AFF2: variants seen among roughly 807,000 people sequenced by gnomAD.
The protein encoded by AFF2 is ALF transcription elongation factor 2.
In AFF2, 14 loss-of-function variants were observed where a neutral mutation model predicts 76.9. That is an observed-to-expected ratio of 0.18 (90% confidence interval 0.12 to 0.28). AFF2 has a LOEUF of 0.28. AFF2 is among the 10% of genes least tolerant of loss of function. The pLI is 1.00. For missense variants in AFF2, 868 were observed against 1,001.1 expected, an observed-to-expected ratio of 0.87 and a Z score of 1.79; for synonymous variants, 398 against 366.7, an observed-to-expected ratio of 1.09 and a Z score of -0.98.
intron 1 of AFF2, among the ~76,000 whole-genome samples, chrX:148,606,876 C>G (rs1557248857): frequency 9.0e-6 from 1 of 111,110 alleles, no homozygotes; most frequent in African/African-American, 3.3e-5. Context: ...GAGTGTTTTC[C>G]TAATTCAGGC....
chrX:148,560,056 GT>G (rs2053093632), intron 1 of AFF2, among the ~76,000 whole-genome samples: 1 of 111,353 alleles, frequency 9.0e-6, no homozygotes, highest in South Asian at 3.8e-4. Context: ...TCATATGTTT[GT>G]TGGCTGCAAA....
chrX:148,701,012 A>AAATG (rs782232655), intron 3 of AFF2, among the ~76,000 whole-genome samples: 165 of 73,732 alleles, frequency 2.2e-3, no homozygotes, highest in Non-Finnish European at 3.7e-3. Context: ...GAGAGAGAGA[A>AAATG]TGTGTGTGTG....
chrX:148,963,854 T>C (rs1352009131), intron 13 of AFF2, among the ~76,000 whole-genome samples: 1 of 111,851 alleles, frequency 8.9e-6, no homozygotes, highest in African/African-American at 3.2e-5. Context: ...GGCTTACAAG[T>C]TTTTTACGGC....
intron 7 of AFF2, among the ~76,000 whole-genome samples, chrX:148,880,028 T>C (rs781939163): frequency 8.9e-6 from 1 of 112,451 alleles, no homozygotes; most frequent in African/African-American, 3.2e-5. Context: ...AGACCTTGCC[T>C]GTGGGCACAG....
At chrX:148,859,423 T>C (rs1186448476) in intron 7 of AFF2, among the ~76,000 whole-genome samples, 19 of 110,864 alleles carry the variant, frequency 1.7e-4, no homozygotes, top group African/African-American at 5.9e-4. Flanking sequence ...AAAATACCTT[T>C]AGTAAAAATG....
At chrX:148,886,130 G>A (rs2071157047) in intron 8 of AFF2, 145 bp downstream of exon 8, 2 of 496,590 alleles carry the variant, frequency 4.0e-6, no homozygotes, top group Non-Finnish European at 7.0e-6. Flanking sequence ...GATGAGCATA[G>A]TGTTCTGGAA....
chrX:148,853,163 A>G lies in AFF2; in HGVS notation c.1262+9730A>G, dbSNP rs782699146. Among the ~76,000 whole-genome samples, 10 of 112,036 alleles carry G rather than the reference A, an allele frequency of 8.9e-5. 1 individual carries two copies. Among genetic ancestry groups the G allele is most frequent in the Non-Finnish European group, 1.7e-4 (9 of 53,248 alleles). ...TTGTTAAATACGAAGGAAAAATAAC[A>G]AAATAATCTTAATAATACTACTTTC... On this transcript the variant is annotated intron_variant, in intron 7 of 20. Transcript: ENST00000370460.
intron 7 of AFF2, among the ~76,000 whole-genome samples, chrX:148,846,926 A>G (rs1603311746): frequency 9.0e-6 from 1 of 111,340 alleles, no homozygotes; most frequent in Admixed American, 9.5e-5. Flanking sequence ...CCCAAGATAG[A>G]GTCTCGCTCT....
At chrX:148,543,732 C>T (rs1425497404) in intron 1 of AFF2, among the ~76,000 whole-genome samples, 3 of 112,166 alleles carry the variant, frequency 2.7e-5, no homozygotes, top group African/African-American at 9.7e-5. Flanking sequence ...TAGTGGCTTA[C>T]AGCATCTCTT....
chrX:148,917,318 A>C (rs781988806), intron 9 of AFF2, among the ~76,000 whole-genome samples: 2 of 112,245 alleles, frequency 1.8e-5, no homozygotes, highest in Non-Finnish European at 3.8e-5. Flanking sequence ...GGGTTAGTGC[A>C]TGGGTAGTTA....
intron 1 of AFF2, among the ~76,000 whole-genome samples, chrX:148,648,561 CAAAAAAAAAAAAAAAAAA>C (rs1241628949): frequency 4.3e-5 from 1 of 23,057 alleles, no homozygotes; most frequent in African/African-American, 1.4e-4. Flanking sequence ...AAAACTCCGT[CAAAAAAAAAAAAAAAAAA>C]AAAAAAGAAA....
At chrX:148,982,445 G>A (rs916244570) in intron 19 of AFF2, among the ~76,000 whole-genome samples, 4 of 112,094 alleles carry the variant, frequency 3.6e-5, no homozygotes, top group Admixed American at 9.4e-5. Context: ...TGAACAAGGT[G>A]CTGTGGAAGC....
rs1251738155 is a variant in AFF2 at position 148,619,849 on chromosome X, A to T, written c.48-32150A>T. Among the ~76,000 whole-genome samples, 4 of 112,193 alleles carry T rather than the reference A, an allele frequency of 3.6e-5. No homozygotes were observed. The East Asian group carries it at 8.4e-4, about 24-fold the overall frequency. On this transcript the variant is annotated intron_variant, in intron 1 of 20. Coordinates refer to ENST00000370460, the MANE Select transcript of AFF2 (RefSeq NM_002025.4). ...TTTCACACTTTGGCTATGTGATTTT[A>T]TGAGTTCTGTGTGATCTACCAGCAT...
At chrX:148,505,752 A>G (rs1157857574) in intron 1 of AFF2, among the ~76,000 whole-genome samples, 5 of 112,155 alleles carry the variant, frequency 4.5e-5, no homozygotes. Context: ...GAAAACTGCC[A>G]TATACTTGAT....
At chrX:148,546,095 C>T (rs782782680) in intron 1 of AFF2, among the ~76,000 whole-genome samples, 1 of 111,977 alleles carries the variant, frequency 8.9e-6, no homozygotes, top group Non-Finnish European at 1.9e-5. Context: ...AATGACATCA[C>T]TATTATCCAG....
At position 148,554,908 on chromosome X, in the gene AFF2, G is replaced by A. The variant is rs188169388; in HGVS notation, c.47+53764G>A. 5.9e-3 allele frequency among the ~76,000 whole-genome samples: 659 copies of A among 112,385 alleles called. 6 individuals carry two copies. Among genetic ancestry groups the A allele is most frequent in the African/African-American group, 0.02 (626 of 30,983 alleles). On this transcript the variant is annotated intron_variant, in intron 1 of 20. Transcript: ENST00000370460. ...GGCAGAGTCAGTCTGGCTATTCCAGGCTCCTCCCACAGGTCAACCCCTGCA... is the reference window on the plus strand; with the variant it reads ...GGCAGAGTCAGTCTGGCTATTCCAGACTCCTCCCACAGGTCAACCCCTGCA...
At chrX:148,596,719 A>G (rs1398889121) in intron 1 of AFF2, among the ~76,000 whole-genome samples, 1 of 112,349 alleles carries the variant, frequency 8.9e-6, no homozygotes, top group Admixed American at 9.4e-5. Context: ...CAGGTAAGTC[A>G]TATTAACAGA....
chrX:148,722,518 G>A (rs1434747871), intron 3 of AFF2, among the ~76,000 whole-genome samples: 2 of 109,908 alleles, frequency 1.8e-5, no homozygotes, highest in African/African-American at 6.6e-5. Flanking sequence ...ATCAATCACT[G>A]TAGGCTGTCA....
intron 3 of AFF2, among the ~76,000 whole-genome samples, chrX:148,763,608 C>T (rs376419924): frequency 1.6e-4 from 17 of 109,616 alleles, no homozygotes; most frequent in South Asian, 7.8e-4. Flanking sequence ...TGAGATAATA[C>T]GAAAAAATGA....
Sources: allele counts gnomAD v4.1 joint callset (sites outside exome capture counted in the v4.1 genomes callset), GRCh38; gene constraint gnomAD v4.1.1; transcripts MANE v1.5; gene names NCBI Gene and HGNC (gene_info 2026-07-23, HGNC 2026-07-21).